Variants in FREM2 observed in about 807,000 individuals in gnomAD.
FREM2 encodes the protein FRAS1 related extracellular matrix 2.
FREM2 carries 119 observed loss-of-function variants against 219.9 expected under a neutral mutation model. That is an observed-to-expected ratio of 0.54 (90% CI 0.47 to 0.63). The LOEUF (loss-of-function observed/expected upper bound fraction) is 0.63, where lower values mean the gene tolerates loss of function less well. Among genes scored for constraint, FREM2 ranks in the 30% least tolerant of loss-of-function variants. FREM2 has a pLI of 0.00. For synonymous variants in FREM2, 1,562 were observed against 1,522.8 expected (o/e 1.03, Z -0.60); for missense variants, 4,030 against 3,993.6 (o/e 1.01, Z -0.25).
chr13:38,849,969 A>C, intron 8 of FREM2, 69 bp from the exon 9 acceptor site: 1 of 1,257,810 alleles, frequency 8.0e-7, no homozygotes, highest in Non-Finnish European at 1.2e-6. Flanking sequence ...CTTTCCACTA[A>C]ATCACATCTT....
intron 6 of FREM2, among the ~76,000 whole-genome samples, chr13:38,797,536 A>G (rs888770417): frequency 1.3e-5 from 2 of 152,054 alleles, no homozygotes; most frequent in East Asian, 1.9e-4. Flanking sequence ...GTTTGCAACT[A>G]TTTTCTCCCA....
At chr13:38,834,011 G>T (rs1876611820) in intron 6 of FREM2, among the ~76,000 whole-genome samples, 1 of 151,966 alleles carries the variant, frequency 6.6e-6, no homozygotes, top group South Asian at 2.1e-4. Flanking sequence ...AAAAGAAATG[G>T]CAAATTACCC....
At chr13:38,782,168 C>T (rs947081054) in intron 4 of FREM2, among the ~76,000 whole-genome samples, 21 of 152,286 alleles carry the variant, frequency 1.4e-4, no homozygotes, top group Admixed American at 1.0e-3. Flanking sequence ...ATTTTTAAGT[C>T]ATAAGGTTAA....
At chr13:38,840,094 G>T (rs780806523) in intron 6 of FREM2, among the ~76,000 whole-genome samples, 5 of 152,172 alleles carry the variant, frequency 3.3e-5, no homozygotes, top group African/African-American at 4.8e-5. Context: ...ATAGGCACCC[G>T]AAGGAATCTC....
chr13:38,864,445 G>A lies in FREM2; in HGVS notation c.7822G>A (p.Glu2608Lys). Residue 2608 changes from glutamate (E) to lysine (K), a missense_variant, in exon 16 of 24, where the codon GAG becomes AAG. Coordinates refer to ENST00000280481, the MANE Select transcript of FREM2 (RefSeq NM_207361.6). ...DATKNPEIIGETYPYQYSLSI... is the reference protein window; with the variant it reads ...DATKNPEIIGKTYPYQYSLSI... Reference sequence around the variant, plus strand: ...TACCAAAAATCCAGAAATAATTGGAGAGACATATCCTTACCAGTACAGCTT... The same window carrying A: ...TACCAAAAATCCAGAAATAATTGGAAAGACATATCCTTACCAGTACAGCTT... 1.2e-6 allele frequency: 2 copies of A among 1,614,188 alleles called. No individual in the cohort carries two copies. Among genetic ancestry groups the A allele is most frequent in the Non-Finnish European group, 1.7e-6 (2 of 1,180,020 alleles).
In FREM2 at chr13:38,884,518, AAT is replaced by A. The variant is rs952447589; in HGVS notation, c.*3734_*3735del. On this transcript the variant is annotated 3_prime_UTR_variant, in exon 24 of 24. Transcript: ENST00000280481. ...TGGTCCTTTAATAAGTAAAGAAAATAATATGTTTAAAAATGTAAATGTTTTAC... is the reference window on the plus strand; with the variant it reads ...TGGTCCTTTAATAAGTAAAGAAAATAATGTTTAAAAATGTAAATGTTTTAC... 6.6e-6 allele frequency: 1 copy of A among 152,218 alleles called. No homozygotes were observed. Among genetic ancestry groups the A allele is most frequent in the African/African-American group, 2.4e-5 (1 of 41,466 alleles). The allele number at this position is 152,218 out of a possible 1,614,324, so 9.4% of individuals were successfully genotyped here.
chr13:38,879,570 T>C (rs1216033517), intron 23 of FREM2, among the ~76,000 whole-genome samples: 1 of 152,214 alleles, frequency 6.6e-6, no homozygotes, highest in Non-Finnish European at 1.5e-5. Flanking sequence ...CCGAAGCAAG[T>C]GCGGCTTTTA....
At chr13:38,871,357 G>T (rs1377931002) in intron 16 of FREM2, among the ~76,000 whole-genome samples, 2 of 152,190 alleles carry the variant, frequency 1.3e-5, no homozygotes, top group Non-Finnish European at 1.5e-5. Flanking sequence ...TGTGTGGAAG[G>T]AGAACTAGAC....
At chr13:38,750,937 GC>G (rs1047524683) in intron 2 of FREM2, among the ~76,000 whole-genome samples, 1 of 152,068 alleles carries the variant, frequency 6.6e-6, no homozygotes, top group African/African-American at 2.4e-5. Context: ...TAGGTGATCT[GC>G]CTGCCTTGGC....
At chr13:38,717,819 C>A (rs941389526) in intron 2 of FREM2, among the ~76,000 whole-genome samples, 1 of 152,166 alleles carries the variant, frequency 6.6e-6, no homozygotes, top group African/African-American at 2.4e-5. Context: ...AATGACCTTT[C>A]AGATATAGAT....
chr13:38,689,626 T>C lies in FREM2; in HGVS notation c.2282T>C (p.Leu761Ser). The C allele has an allele frequency of 6.2e-7, 1 of 1,613,996 alleles. No individual in the cohort carries two copies. The highest frequency in any genetic ancestry group is 8.5e-7 in the Non-Finnish European group (1 of 1,179,994). ...ENHLPAPLGTLVLTDNPSVVV... is the reference protein window; with the variant it reads ...ENHLPAPLGTSVLTDNPSVVV... ...CACCTGCCAGCCCCACTGGGTACCT[T>C]GGTCTTGACTGACAACCCCTCAGTC... The change falls in exon 1 of 24, where the codon TTG becomes TCG. Residue 761 changes from leucine (L) to serine (S), a missense_variant. Transcript: ENST00000280481.
chr13:38,778,814 T>A (rs1873987522), intron 4 of FREM2, among the ~76,000 whole-genome samples: 2 of 152,096 alleles, frequency 1.3e-5, no homozygotes, highest in Non-Finnish European at 2.9e-5. Flanking sequence ...ACAAAAACTC[T>A]AATAAATCAA....
chr13:38,845,386 C>T (rs530758512), intron 6 of FREM2, among the ~76,000 whole-genome samples: 73 of 152,186 alleles, frequency 4.8e-4, no homozygotes, highest in African/African-American at 1.7e-3. Context: ...TTTTTAGTGG[C>T]CTGCCTTCTT....
chr13:38,710,942 T>A (rs1304698000), intron 2 of FREM2, among the ~76,000 whole-genome samples: 2 of 152,250 alleles, frequency 1.3e-5, no homozygotes, highest in African/African-American at 4.8e-5. Flanking sequence ...TATGGTGACA[T>A]CAAACTCTTG....
intron 16 of FREM2, among the ~76,000 whole-genome samples, chr13:38,866,203 C>T (rs1270426832): frequency 1.3e-5 from 2 of 152,022 alleles, no homozygotes; most frequent in Non-Finnish European, 2.9e-5. Flanking sequence ...TTGTTAAAAT[C>T]GTTTCATACG....
At chr13:38,746,418 C>T (rs551326195) in intron 2 of FREM2, among the ~76,000 whole-genome samples, 47 of 152,244 alleles carry the variant, frequency 3.1e-4, no homozygotes, top group African/African-American at 1.1e-3. Context: ...AAAATGGCCA[C>T]ATTCCTACTC....
chr13:38,775,433 T>C lies in FREM2; in HGVS notation c.5641+5625T>C, dbSNP rs1019434260. Among the ~76,000 whole-genome samples the C allele has an allele frequency of 1.3e-5, 2 of 152,190 alleles. 1 individual carries two copies. Among genetic ancestry groups the C allele is most frequent in the Non-Finnish European group, 2.9e-5 (2 of 68,026 alleles). On this transcript the variant is annotated intron_variant, in intron 4 of 23. Transcript: ENST00000280481. Reference sequence around the variant, plus strand: ...TATCAGTGTGAAGCATAGGTCGTCATCTTAAGGCAAACAAAAAATTTCAAA... The same window carrying C: ...TATCAGTGTGAAGCATAGGTCGTCACCTTAAGGCAAACAAAAAATTTCAAA...
chr13:38,885,607 T>A lies in FREM2; in HGVS notation c.*4820T>A, dbSNP rs140082262. The A allele has an allele frequency of 3.3e-5, 5 of 152,296 alleles. No individual in the cohort carries two copies. Among genetic ancestry groups the A allele is most frequent in the African/African-American group, 1.2e-4 (5 of 41,572 alleles). The allele number at this position is 152,296 out of a possible 1,614,324, so 9.4% of individuals were successfully genotyped here. ...TTCAAAACCATTACCACTTTCAATA[T>A]GTAATTAACATCCTCATTCATCAGA... On this transcript the variant is annotated 3_prime_UTR_variant, in exon 24 of 24. Transcript: ENST00000280481.
In FREM2 at chr13:38,749,346, A is replaced by G. The variant is rs73461816; in HGVS notation, c.5264-14958A>G. Among the ~76,000 whole-genome samples the G allele has an allele frequency of 6.7e-3, 1,015 of 152,300 alleles. 9 individuals carry two copies. Among genetic ancestry groups the G allele is most frequent in the African/African-American group, 0.023 (967 of 41,556 alleles). On this transcript the variant is annotated intron_variant, in intron 2 of 23. Transcript: ENST00000280481. ...TCCTACAGGAAACTTTTCCACATCAATGATGGACTTGAAAAGTTCTGCATA... is the reference window on the plus strand; with the variant it reads ...TCCTACAGGAAACTTTTCCACATCAGTGATGGACTTGAAAAGTTCTGCATA...
Sources: allele counts gnomAD v4.1 joint callset (sites outside exome capture counted in the v4.1 genomes callset), GRCh38; gene constraint gnomAD v4.1.1; transcripts MANE v1.5; gene names NCBI Gene and HGNC (gene_info 2026-07-23, HGNC 2026-07-21).